WDR62: variants seen among roughly 807,000 people sequenced by gnomAD.
The protein encoded by WDR62 is WD repeat domain 62.
In WDR62, 112 loss-of-function variants were observed where a neutral mutation model predicts 160.6. The observed-to-expected ratio is 0.70, with a 90% CI of 0.60 to 0.82. The LOEUF is 0.82. WDR62 is among the 40% of genes least tolerant of loss of function. The probability of loss-of-function intolerance (pLI) is 0.00; values close to 1 mark genes in which losing one functional copy is unlikely to be tolerated. For missense variants in WDR62, 1,819 were observed against 1,983.8 expected (o/e 0.92, Z 1.58); for synonymous variants, 792 against 815.1 (o/e 0.97, Z 0.48).
In WDR62 at chr19:36,067,331, A is replaced by C. The variant is rs1314984925; in HGVS notation, c.587A>C (p.Lys196Thr). The change falls in exon 6 of 32, where the codon AAG becomes ACG. Residue 196 changes from lysine to threonine, a missense_variant. Lys to Thr is a moderately conservative substitution (Grantham distance 78, BLOSUM62 -1). Transcript: ENST00000401500. The part of the protein sequence containing the change: ...WKKDIVVASN[K>T]VSCRVIALSF... ...AAAGACATCGTAGTGGCCTCCAACAAGGTATCTTGTAGAGTCATTGCCCTC... is the reference window on the plus strand; with the variant it reads ...AAAGACATCGTAGTGGCCTCCAACACGGTATCTTGTAGAGTCATTGCCCTC... 2 of 1,614,166 alleles carry C rather than the reference A, an allele frequency of 1.2e-6. No individual in the cohort carries two copies. The highest frequency in any genetic ancestry group is 8.5e-7 in the Non-Finnish European group (1 of 1,180,016).
In WDR62 at chr19:36,066,409, C is replaced by A; in HGVS notation, c.543C>A (p.Leu181=). The change falls in exon 5 of 32, where the codon CTC becomes CTA. Residue 181 remains leucine (L), a synonymous_variant. Coordinates refer to ENST00000401500, the MANE Select transcript of WDR62 (RefSeq NM_001083961.2). ...VSMGYQHDMV[L]NVWDWKKDIV... ...TGGGCTACCAACATGACATGGTGCT[C>A]AACGTCTGGGACTGGAAGGTAAGAG... 6.2e-7 allele frequency: 1 copy of A among 1,605,840 alleles called. No individual in the cohort carries two copies. The highest frequency in any genetic ancestry group is 1.1e-5 in the South Asian group (1 of 89,780).
intron 7 of WDR62, among the ~76,000 whole-genome samples, chr19:36,069,145 G>A (rs1433790586): frequency 2.0e-5 from 3 of 149,812 alleles, no homozygotes; most frequent in African/African-American, 4.9e-5. Flanking sequence ...CCTCCCTCCC[G>A]GACTGGGCGG....
At chr19:36,111,071 A>G in the WDR62 span, 7 of 855,652 alleles carry the variant, frequency 8.2e-6, no homozygotes, top group East Asian at 1.9e-4. Context: ...AGGGCCAGCC[A>G]GGAAATTTGC....
At chr19:36,075,907 A>C (rs902062018) in intron 9 of WDR62, 2 of 152,224 alleles carry the variant, frequency 1.3e-5, no homozygotes, top group African/African-American at 2.4e-5. Context: ...TATACTTCAT[A>C]TAGGAAAGGC....
intron 7 of WDR62, 53 bp from the exon 8 acceptor site, chr19:36,071,503 G>C: frequency 6.2e-7 from 1 of 1,612,616 alleles, no homozygotes; most frequent in Non-Finnish European, 8.5e-7. Flanking sequence ...CCATATCCCC[G>C]GGCCAGGCCA....
Position 36,103,616 on chromosome 19 carries a change from A to T in WDR62, c.3788A>T (p.Gln1263Leu), listed in dbSNP as rs1973533618. 1 of 1,610,486 alleles carries T rather than the reference A, an allele frequency of 6.2e-7. No individual in the cohort carries two copies. The highest frequency in any genetic ancestry group is 1.3e-5 in the African/African-American group (1 of 74,368). The stretch of plus-strand genomic sequence containing the variant: ...GTTGGGGAGCTGGCCTCCTTGGGCC[A>T]GGAGCTTCAGGCCATCACCACCGCG... ...SSVGELASLG[Q>L]ELQAITTATT... Residue 1263 changes from glutamine to leucine, a missense_variant, in exon 30 of 32, where the codon CAG (glutamine) becomes CTG (leucine). By Grantham distance (113) the Gln-to-Leu change is moderately radical. Around this residue, in one of 3 missense-constraint regions of WDR62, gnomAD observed 770 missense variants for 734.2 expected, o/e 1.05. Coordinates refer to ENST00000401500, the MANE Select transcript of WDR62 (RefSeq NM_001083961.2).
At position 36,099,491 on chromosome 19, in the gene WDR62, G is replaced by C. The variant is rs755985220; in HGVS notation, c.2613G>C (p.Glu871Asp). Residue 871 changes from glutamate to aspartate, a missense_variant, in exon 22 of 32, where the codon GAG becomes GAC. Around this residue, in one of 3 missense-constraint regions of WDR62, gnomAD observed 934 missense variants for 1,157.2 expected, o/e 0.81. Coordinates refer to ENST00000401500, the MANE Select transcript of WDR62 (RefSeq NM_001083961.2). ...HGRWAERAGQEPLKTILDAQD... is the reference protein window; with the variant it reads ...HGRWAERAGQDPLKTILDAQD... ...GCTGGGCAGAGCGGGCCGGCCAAGA[G>C]CCCCTCAAGACCATCCTGGATGCCC... 18 of 1,613,974 alleles carry C rather than the reference G, an allele frequency of 1.1e-5. No homozygotes were observed. The highest frequency in any genetic ancestry group is 5.0e-5 in the Admixed American group (3 of 60,006).
chr19:36,102,622 CCT>C (rs1244489982), intron 26 of WDR62, 113 bp from the exon 27 acceptor site: 23 of 852,046 alleles, frequency 2.7e-5, no homozygotes, highest in South Asian at 1.8e-4. Flanking sequence ...CTGCTCGTAC[CCT>C]GTGTCTGTAC....
chr19:36,079,808 A>C (rs564329570), intron 9 of WDR62, among the ~76,000 whole-genome samples: 11 of 152,184 alleles, frequency 7.2e-5, no homozygotes, highest in African/African-American at 2.6e-4. Context: ...TGTCCCACTC[A>C]CTTGTATTTT....
chr19:36,060,439 C>T (rs1243827667), intron 3 of WDR62: 3 of 210,178 alleles, frequency 1.4e-5, no homozygotes, highest in Admixed American at 5.1e-5. Context: ...AGGGAGAGCG[C>T]TTCAGGCAGG....
intron 23 of WDR62, 25 bp from the exon 24 acceptor site, chr19:36,101,189 C>T (rs377716057): frequency 7.6e-5 from 122 of 1,596,234 alleles, no homozygotes; most frequent in Non-Finnish European, 9.7e-5. Flanking sequence ...TCCTTGTTCC[C>T]TCTCTGCCCC....
intron 23 of WDR62, 42 bp from the exon 24 acceptor site, chr19:36,101,172 G>C: frequency 6.4e-7 from 1 of 1,563,164 alleles, no homozygotes; most frequent in East Asian, 2.3e-5. Context: ...TGAGTCTCCA[G>C]CTGAAGTCCT....
Position 36,104,800 on chromosome 19 carries a change from G to A in WDR62, c.4344G>A (p.Gln1448=), listed in dbSNP as rs1334959443. The part of the protein sequence containing the change: ...LVSSGQVDTG[Q]QQARTELVST... ...CCAGTGGCCAGGTGGACACCGGGCA[G>A]CAGCAGGCACGGACTGAGCTGGTCT... is the stretch of plus-strand genomic sequence containing the variant. Residue 1448 remains glutamine, a synonymous_variant, in exon 32 of 32, where the codon CAG becomes CAA. Transcript: ENST00000401500. 2 of 1,613,682 alleles carry A rather than the reference G, an allele frequency of 1.2e-6. No individual in the cohort carries two copies. Among genetic ancestry groups the A allele is most frequent in the South Asian group, 2.2e-5 (2 of 91,086 alleles).
At chr19:36,110,700 T>C in the WDR62 span, among the ~76,000 whole-genome samples, 3 of 152,144 alleles carry the variant, frequency 2.0e-5, no homozygotes, top group Admixed American at 2.0e-4. Context: ...CATTTTGCCC[T>C]GATTTATCCA....
intron 20 of WDR62, among the ~76,000 whole-genome samples, chr19:36,095,663 G>C (rs774044446): frequency 6.6e-6 from 1 of 152,220 alleles, no homozygotes; most frequent in Admixed American, 6.5e-5. Flanking sequence ...GCGTGATGGC[G>C]TGCGCCTGTA....
intron 27 of WDR62, 46 bp from the exon 28 acceptor site, chr19:36,102,902 A>G (rs760903152): frequency 1.9e-5 from 31 of 1,614,074 alleles, no homozygotes; most frequent in South Asian, 2.2e-5. Context: ...ACAGTGCCCC[A>G]GGGCAGGCTG....
Position 36,100,832 on chromosome 19 carries a change from C to T in WDR62, c.2824C>T (p.Leu942Phe), listed in dbSNP as rs992325927. 1 of 1,614,114 alleles carries T rather than the reference C, an allele frequency of 6.2e-7. No homozygotes were observed. Among genetic ancestry groups the T allele is most frequent in the African/African-American group, 1.3e-5 (1 of 74,944 alleles). The change falls in exon 23 of 32, where the codon CTC becomes TTC. Residue 942 changes from leucine (L) to phenylalanine (F), a missense_variant. Coordinates refer to ENST00000401500, the MANE Select transcript of WDR62 (RefSeq NM_001083961.2). ...KESSEASELI[L>F]YSLEAEVTVT... The stretch of plus-strand genomic sequence containing the variant: ...ATCATCTGAGGCCAGTGAGCTCATC[C>T]TCTACTCTCTGGAGGCAGAAGTGAC...
rs754276643 is a variant in WDR62, at chr19:36,103,876, G to C, written c.4048G>C (p.Ala1350Pro). ...HGSAFRPSLP[A>P]PESPGLPAHP... ...CTCTGCCTTTCGCCCAAGTCTCCCA[G>C]CTCCTGAGTCCCCTGGCCTTCCTGC... The change falls in exon 30 of 32, where the codon GCT becomes CCT. Residue 1350 changes from alanine (A) to proline (P), a missense_variant. Physicochemically the swap from Ala to Pro is conservative, Grantham distance 27. This residue lies in a region of WDR62 where 770 missense variants were observed against 734.2 expected (regional missense o/e 1.05). Coordinates refer to ENST00000401500, the MANE Select transcript of WDR62 (RefSeq NM_001083961.2). 6 of 1,601,366 alleles carry C rather than the reference G, an allele frequency of 3.7e-6. No individual in the cohort carries two copies. The highest frequency in any genetic ancestry group is 5.1e-6 in the Non-Finnish European group (6 of 1,179,906).
At chr19:36,107,035 C>G (rs1413305304), downstream of WDR62, among the ~76,000 whole-genome samples, 1 of 152,120 alleles carries the variant, frequency 6.6e-6, no homozygotes, top group African/African-American at 2.4e-5. Context: ...CCACCTTGGG[C>G]CTCTGTCATG....
Sources: allele counts gnomAD v4.1 joint callset (sites outside exome capture counted in the v4.1 genomes callset), GRCh38; gene constraint gnomAD v4.1.1; regional missense constraint gnomAD v4.1.1; transcripts MANE v1.5; gene names NCBI Gene and HGNC (gene_info 2026-07-23, HGNC 2026-07-21).